Variants in ETV1 observed in about 807,000 individuals in gnomAD.
ETV1 encodes ETS translocation variant 1.
In ETV1, 27 loss-of-function variants were observed where a neutral mutation model predicts 62.3. The ratio of observed to expected loss-of-function variants is 0.43; its 90% CI spans 0.32 to 0.60. The LOEUF (loss-of-function observed/expected upper bound fraction) is 0.60. Among genes scored for constraint, ETV1 ranks in the 20% least tolerant of loss-of-function variants. The pLI is 0.06. For missense variants in ETV1, 605 were observed against 605.8 expected, an observed-to-expected ratio of 1.00 and a Z score of 0.01; for synonymous variants, 222 against 199.6, an observed-to-expected ratio of 1.11 and a Z score of -0.94.
chr7:13,988,620 G>GAAA (rs11460974), intron 3 of ETV1: 89 of 1,095,524 alleles, frequency 8.1e-5, no homozygotes, highest in South Asian at 3.4e-4. Context: ...GAGAAAATGA[G>GAAA]AAAAAAAAAA....
chr7:13,932,641 G>A (rs917092869), intron 8 of ETV1, among the ~76,000 whole-genome samples: 5 of 152,074 alleles, frequency 3.3e-5, no homozygotes, highest in South Asian at 4.1e-4. Flanking sequence ...TCACATAATC[G>A]TTCTGTTCTG....
intron 6 of ETV1, among the ~76,000 whole-genome samples, chr7:13,956,184 A>G (rs1342331815): frequency 1.3e-5 from 2 of 152,236 alleles, no homozygotes; most frequent in African/African-American, 4.8e-5. Flanking sequence ...CACTAATTAC[A>G]TACACTTGTA....
chr7:13,989,939 G>T (rs1782900400), upstream of ETV1: 1 of 222,640 alleles, frequency 4.5e-6, no homozygotes, highest in African/African-American at 2.3e-5. Flanking sequence ...TAAGGCGCCT[G>T]GGGATACTGA....
chr7:13,947,237 A>G (rs760958231), intron 6 of ETV1, among the ~76,000 whole-genome samples: 3 of 152,194 alleles, frequency 2.0e-5, no homozygotes, highest in Non-Finnish European at 4.4e-5. Flanking sequence ...TGAATGATGT[A>G]TGTTTTTGTT....
At chr7:13,933,800 G>A (rs974179763) in intron 8 of ETV1, among the ~76,000 whole-genome samples, 3 of 152,164 alleles carry the variant, frequency 2.0e-5, no homozygotes, top group African/African-American at 7.2e-5. Context: ...AAAAGACCCC[G>A]AGCTTCCCTC....
At chr7:13,979,776 G>A (rs898146853) in intron 5 of ETV1, among the ~76,000 whole-genome samples, 3 of 152,046 alleles carry the variant, frequency 2.0e-5, no homozygotes, top group Non-Finnish European at 4.4e-5. Flanking sequence ...AAAATAGCTG[G>A]TGAGTAACAA....
chr7:13,972,243 C>G (rs566083862), intron 6 of ETV1, among the ~76,000 whole-genome samples: 73 of 152,204 alleles, frequency 4.8e-4, no homozygotes, highest in Middle Eastern at 6.8e-3. Flanking sequence ...AGTTCAAGAC[C>G]AGCCTGGGCA....
At chr7:13,981,811 G>A (rs575619673) in intron 5 of ETV1, among the ~76,000 whole-genome samples, 142 of 151,900 alleles carry the variant, frequency 9.3e-4, no homozygotes, top group African/African-American at 3.2e-3. Flanking sequence ...TTTCTCATGA[G>A]AAATTTAAAT....
intron 6 of ETV1, chr7:13,975,230 G>C (rs1272558082): frequency 6.6e-6 from 1 of 152,272 alleles, no homozygotes. Flanking sequence ...ATCACAGAAA[G>C]TTCTATGGGA....
chr7:13,971,868 T>C (rs1172902106), intron 6 of ETV1, among the ~76,000 whole-genome samples: 1 of 152,158 alleles, frequency 6.6e-6, no homozygotes, highest in Non-Finnish European at 1.5e-5. Flanking sequence ...CCCAGCACTT[T>C]GGGAAGCTAA....
At position 13,989,568 on chromosome 7, in the gene ETV1, G is replaced by A; in HGVS notation, c.-290C>T. On this transcript the variant is annotated 5_prime_UTR_variant, in exon 1 of 14. Coordinates refer to ENST00000430479, the MANE Select transcript of ETV1 (RefSeq NM_004956.5). ...AAGTTGTTGGAAAGACCCACCTGAA[G>A]GCCACGCTAGGCGAAAGGCTGCAAA... The A allele has an allele frequency of 2.5e-6, 1 of 399,050 alleles. No individual in the cohort carries two copies. Among genetic ancestry groups the A allele is most frequent in the Non-Finnish European group, 4.4e-6 (1 of 226,146 alleles). 24.7% of individuals were successfully genotyped at this position (399,050 alleles called of 1,614,324 possible).
chr7:13,964,446 G>C (rs891373407), intron 6 of ETV1, among the ~76,000 whole-genome samples: 11 of 152,002 alleles, frequency 7.2e-5, no homozygotes, highest in Admixed American at 1.3e-4. Context: ...AATGGAAAAA[G>C]GGGGGCACAT....
Position 13,931,673 on chromosome 7 carries a change from A to G in ETV1, c.631T>C (p.Tyr211His), listed in dbSNP as rs1786185308. The change falls in exon 9 of 14, where the codon TAC becomes CAC. Residue 211 changes from tyrosine to histidine, a missense_variant. Physicochemically the swap from Tyr to His is moderately conservative, Grantham distance 83 (BLOSUM62 2). Transcript: ENST00000430479. The part of the protein sequence containing the change: ...PTMPREGRPM[Y>H]QRQMSEPNIP... ...TTTGGCTCAGACATCTGGCGTTGGTACATAGGACGTCCTTCCCTTGGCATC... is the reference window on the plus strand; with the variant it reads ...TTTGGCTCAGACATCTGGCGTTGGTGCATAGGACGTCCTTCCCTTGGCATC... 1 of 1,613,908 alleles carries G rather than the reference A, an allele frequency of 6.2e-7. No individual in the cohort carries two copies. Among genetic ancestry groups the G allele is most frequent in the South Asian group, 1.1e-5 (1 of 91,084 alleles).
chr7:13,896,787 A>AGAAAGAAG (rs1443009752), intron 13 of ETV1, among the ~76,000 whole-genome samples: 4 of 151,236 alleles, frequency 2.6e-5, no homozygotes, highest in Non-Finnish European at 4.4e-5. Context: ...AAAGAAAGAA[A>AGAAAGAAG]GAAAGGATAC....
At chr7:13,946,230 T>C (rs1163005436) in intron 6 of ETV1, among the ~76,000 whole-genome samples, 3 of 152,180 alleles carry the variant, frequency 2.0e-5, no homozygotes, top group Non-Finnish European at 4.4e-5. Flanking sequence ...TCAAACACAT[T>C]TTCCATGGAA....
chr7:13,911,431 A>G, intron 9 of ETV1, 124 bp from the exon 10 acceptor site: 1 of 646,378 alleles, frequency 1.5e-6, no homozygotes. Flanking sequence ...GGAACATGTC[A>G]ACATATAATC....
chr7:13,915,757 A>AT (rs3839720), intron 9 of ETV1, among the ~76,000 whole-genome samples: 1,649 of 147,722 alleles, frequency 0.011, 7 homozygotes, highest in East Asian at 0.023. Flanking sequence ...AATGGAAATA[A>AT]TTTTTTTTTT....
intron 9 of ETV1, among the ~76,000 whole-genome samples, chr7:13,928,431 A>G (rs1785687838): frequency 6.6e-6 from 1 of 151,858 alleles, no homozygotes; most frequent in Non-Finnish European, 1.5e-5. Flanking sequence ...CCTGACCAAC[A>G]TGGAGAAATC....
intron 9 of ETV1, among the ~76,000 whole-genome samples, chr7:13,929,376 A>G (rs1785818352): frequency 6.6e-6 from 1 of 152,240 alleles, no homozygotes; most frequent in South Asian, 2.1e-4. Context: ...AAACTGATAA[A>G]TAAGGTGTCT....
Sources: gnomAD v4.1 joint callset for allele counts (sites outside exome capture counted in the v4.1 genomes callset) on GRCh38, gnomAD v4.1.1 for gene constraint, MANE v1.5 for transcripts, NCBI Gene and HGNC (gene_info 2026-07-23, HGNC 2026-07-21) for gene names.